Variants in ZNF638 observed in about 807,000 individuals in gnomAD.
The protein encoded by ZNF638 is CTCL tumor antigen se33-1.
Under a neutral mutation model 195.6 loss-of-function variants are expected in ZNF638, and 46 were observed. The observed-to-expected ratio is 0.24, with a 90% CI of 0.19 to 0.30. The LOEUF is 0.30. ZNF638 is among the 10% of genes least tolerant of loss of function. The pLI, the probability that ZNF638 is intolerant of heterozygous loss-of-function variation, is 1.00. For missense variants in ZNF638, 2,440 were observed against 2,325.3 expected (o/e 1.05, Z -1.01); for synonymous variants, 845 against 772.0 (o/e 1.09, Z -1.57).
intron 6 of ZNF638, 150 bp downstream of exon 6, chr2:71,365,856 AC>A: frequency 1.3e-6 from 1 of 783,226 alleles, no homozygotes; most frequent in Non-Finnish European, 2.0e-6. Flanking sequence ...AGTAGCTGGC[AC>A]CACAGGCGTG....
chr2:71,431,477 C>A, intron 26 of ZNF638, 49 bp downstream of exon 26: 1 of 1,542,150 alleles, frequency 6.5e-7, no homozygotes, highest in Non-Finnish European at 8.9e-7. Flanking sequence ...ATTTAAAAGT[C>A]GGCCGGGCGC....
In ZNF638 at chr2:71,423,034, G is replaced by T. The variant is rs750778683; in HGVS notation, c.3520G>T (p.Val1174Phe). The T allele has an allele frequency of 1.2e-6, 2 of 1,613,988 alleles. No homozygotes were observed. The highest frequency in any genetic ancestry group is 2.2e-5 in the East Asian group (1 of 44,884). The change falls in exon 22 of 28, where the codon GTC (valine) becomes TTC (phenylalanine). Residue 1174 changes from valine (V) to phenylalanine (F), a missense_variant. This residue lies in a region of ZNF638 where 1,883 missense variants were observed against 1,739.1 expected (regional missense o/e 1.08). Transcript: ENST00000264447. ...GGAGCTTGAAACTCAAGGAGAGGAGGTCAAAGAAGAAATTCCTCTTGTAGC... is the reference window on the plus strand; with the variant it reads ...GGAGCTTGAAACTCAAGGAGAGGAGTTCAAAGAAGAAATTCCTCTTGTAGC... ...TLELETQGEE[V>F]KEEIPLVASA...
intron 10 of ZNF638, chr2:71,395,828 T>C (rs2079881705): frequency 2.3e-6 from 1 of 439,256 alleles, no homozygotes; most frequent in South Asian, 2.4e-5. Context: ...GGATTTTGAC[T>C]TGATATATTG....
At chr2:71,363,292 T>A in intron 4 of ZNF638, 101 bp downstream of exon 4, 1 of 909,972 alleles carries the variant, frequency 1.1e-6, no homozygotes, top group Non-Finnish European at 1.7e-6. Context: ...CTTCTGCCAT[T>A]TAAACAACAG....
intron 9 of ZNF638, 57 bp from the exon 10 acceptor site, chr2:71,380,456 A>G (rs1648086113): frequency 1.4e-6 from 2 of 1,469,738 alleles, no homozygotes; most frequent in Admixed American, 2.2e-5. Context: ...CATTTTTAGG[A>G]TTTTGTAGAA....
intron 25 of ZNF638, chr2:71,430,938 A>G (rs1367728457): frequency 6.5e-6 from 1 of 154,852 alleles, no homozygotes; most frequent in Non-Finnish European, 1.4e-5. Context: ...TCTAGATTGG[A>G]AGGGCCTCAG....
chr2:71,372,220 AGTT>A (rs1054379215), intron 8 of ZNF638, among the ~76,000 whole-genome samples: 4 of 152,030 alleles, frequency 2.6e-5, no homozygotes, highest in Admixed American at 6.6e-5. Flanking sequence ...GTTGCCTAGG[AGTT>A]GTTGTCCTTG....
At chr2:71,338,019 A>C (rs2078700422) in intron 1 of ZNF638, among the ~76,000 whole-genome samples, 1 of 152,182 alleles carries the variant, frequency 6.6e-6, no homozygotes. Flanking sequence ...CAGAAAAATC[A>C]CGTAACTAAT....
rs1476068823 is a variant in ZNF638 at position 71,349,174 on chromosome 2, A to G, written c.220A>G (p.Thr74Ala). 5.0e-6 allele frequency: 8 copies of G among 1,614,168 alleles called. No homozygotes were observed. The South Asian group carries it at 7.7e-5, about 16-fold the overall frequency. The change falls in exon 2 of 28, where the codon ACT (threonine) becomes GCT (alanine). Residue 74 changes from threonine (T) to alanine (A), a missense_variant. Physicochemically the swap from Thr to Ala is moderately conservative, Grantham distance 58. Transcript: ENST00000264447. ...MGPQRMNVQV[T>A]QHRTDPRLTK... ...GCCACAGAGAATGAATGTTCAGGTAACTCAACACAGAACTGATCCAAGATT... is the reference window on the plus strand; with the variant it reads ...GCCACAGAGAATGAATGTTCAGGTAGCTCAACACAGAACTGATCCAAGATT...
chr2:71,360,956 G>C (rs1335625395), intron 3 of ZNF638, among the ~76,000 whole-genome samples: 1 of 152,118 alleles, frequency 6.6e-6, no homozygotes, highest in East Asian at 1.9e-4. Flanking sequence ...GAGAACATGT[G>C]TTACCTAGTG....
At chr2:71,400,036 T>G (rs555008760) in intron 13 of ZNF638, 76 bp from the exon 14 acceptor site, 7 of 1,235,454 alleles carry the variant, frequency 5.7e-6, no homozygotes, top group Non-Finnish European at 1.1e-6. Context: ...CAAACTAGCT[T>G]AAGTTCCTGT....
intron 14 of ZNF638, 86 bp downstream of exon 14, chr2:71,400,266 A>T: frequency 1.7e-6 from 2 of 1,166,438 alleles, no homozygotes; most frequent in Non-Finnish European, 2.4e-6. Context: ...ATTACGATTC[A>T]TGTCTTTATC....
At chr2:71,337,387 A>G (rs2078688316) in intron 1 of ZNF638, among the ~76,000 whole-genome samples, 1 of 152,072 alleles carries the variant, frequency 6.6e-6, no homozygotes. Context: ...CATAGTTACC[A>G]ACTTCAATGA....
rs1371071681 is a variant in ZNF638, at chr2:71,423,104, A to G, written c.3590A>G (p.Glu1197Gly). Residue 1197 changes from glutamate (E) to glycine (G), a missense_variant, in exon 22 of 28, where the codon GAG becomes GGG. Around this residue, in one of 5 missense-constraint regions of ZNF638, gnomAD observed 1,883 missense variants for 1,739.1 expected, o/e 1.08. Coordinates refer to ENST00000264447, the MANE Select transcript of ZNF638 (RefSeq NM_014497.5). Reference protein sequence around the residue: ...SIEQFTENAEECALNQQMFNS... With the variant: ...SIEQFTENAEGCALNQQMFNS... ...GAACAATTCACTGAAAATGCCGAGG[A>G]GTGTGCTTTAAATCAGCAGATGTTT... 4.3e-6 allele frequency: 7 copies of G among 1,614,126 alleles called. No individual in the cohort carries two copies. In the South Asian group the frequency reaches 7.7e-5, roughly 18 times the overall value.
chr2:71,382,385 A>C (rs992302532), intron 10 of ZNF638, among the ~76,000 whole-genome samples: 1 of 152,208 alleles, frequency 6.6e-6, no homozygotes, highest in Non-Finnish European at 1.5e-5. Flanking sequence ...AAAGGAGCCT[A>C]TAAACAGGAC....
intron 10 of ZNF638, among the ~76,000 whole-genome samples, chr2:71,392,909 G>A (rs1233555565): frequency 6.6e-6 from 1 of 152,170 alleles, no homozygotes; most frequent in African/African-American, 2.4e-5. Flanking sequence ...ATTGATACCA[G>A]TTCCTACCTA....
chr2:71,371,938 A>G (rs912010765), intron 8 of ZNF638, among the ~76,000 whole-genome samples: 55 of 152,024 alleles, frequency 3.6e-4, no homozygotes, highest in African/African-American at 1.3e-3. Context: ...TTTGTACAGC[A>G]TTTGCCTGTG....
Position 71,423,555 on chromosome 2 carries a change from A to G in ZNF638, c.4041A>G (p.Ala1347=), listed in dbSNP as rs2080474591. Residue 1347 remains alanine, a synonymous_variant, in exon 22 of 28, where the codon GCA becomes GCG. Transcript: ENST00000264447. ...RMDAEKVEKM[A]AMKEKPAENT... is the part of the protein sequence containing the mutation. Reference sequence around the variant, plus strand: ...ATGCAGAAAAGGTGGAAAAGATGGCAGCAATGAAAGAAAAGCCTGCAGAAA... The same window carrying G: ...ATGCAGAAAAGGTGGAAAAGATGGCGGCAATGAAAGAAAAGCCTGCAGAAA... 1 of 1,613,980 alleles carries G rather than the reference A, an allele frequency of 6.2e-7. No homozygotes were observed. Among genetic ancestry groups the G allele is most frequent in the Non-Finnish European group, 8.5e-7 (1 of 1,180,034 alleles).
At chr2:71,370,097 G>A (rs1038405170) in intron 8 of ZNF638, 92 bp downstream of exon 8, 75 of 1,377,390 alleles carry the variant, frequency 5.4e-5, no homozygotes, top group Middle Eastern at 2.1e-4. Context: ...AATAGGCATA[G>A]AAACATAAAT....
Sources: gnomAD v4.1 joint callset for allele counts (sites outside exome capture counted in the v4.1 genomes callset) on GRCh38, gnomAD v4.1.1 for gene constraint, gnomAD v4.1.1 regional missense constraint, MANE v1.5 for transcripts, NCBI Gene and HGNC (gene_info 2026-07-23, HGNC 2026-07-21) for gene names.